Variants in WWOX observed in about 807,000 individuals in gnomAD.
The protein encoded by WWOX is WW domain containing oxidoreductase, also known as WW domain-containing oxidoreductase.
A neutral mutation model predicts 46.2 loss-of-function variants in WWOX; 69 were observed. The ratio of observed to expected loss-of-function variants is 1.49; its 90% CI spans 1.23 to 1.82. The LOEUF (loss-of-function observed/expected upper bound fraction) is 1.82, where lower values mean the gene tolerates loss of function less well. WWOX is among the 40% of genes most tolerant of loss of function. WWOX has a pLI of 0.00. For synonymous variants in WWOX, 359 were observed against 202.6 expected (o/e 1.77, Z -6.56); for missense variants, 919 against 542.6 (o/e 1.69, Z -6.89).
intron 5 of WWOX, among the ~76,000 whole-genome samples, chr16:78,253,427 C>T (rs1416585644): frequency 1.3e-5 from 2 of 152,140 alleles, no homozygotes; most frequent in East Asian, 1.9e-4. Flanking sequence ...TTATGATGTT[C>T]GCTTTATAGC....
At chr16:78,542,230 A>G (rs1433771977) in intron 8 of WWOX, among the ~76,000 whole-genome samples, 1 of 151,994 alleles carries the variant, frequency 6.6e-6, no homozygotes, top group African/African-American at 2.4e-5. Context: ...TGCCGGATGG[A>G]TGAACCTACG....
At chr16:78,285,402 C>G (rs1308371810) in intron 5 of WWOX, among the ~76,000 whole-genome samples, 5 of 151,840 alleles carry the variant, frequency 3.3e-5, no homozygotes, top group Admixed American at 2.6e-4. Context: ...CCACTGTACT[C>G]CAGCTGGGTA....
At chr16:78,989,457 G>C (rs1295386676) in intron 8 of WWOX, among the ~76,000 whole-genome samples, 1 of 152,174 alleles carries the variant, frequency 6.6e-6, no homozygotes, top group Non-Finnish European at 1.5e-5. Context: ...GCCCATGCTG[G>C]CTTGCAGGCT....
At chr16:78,252,988 G>A (rs2038025804) in intron 5 of WWOX, among the ~76,000 whole-genome samples, 1 of 152,164 alleles carries the variant, frequency 6.6e-6, no homozygotes, top group African/African-American at 2.4e-5. Flanking sequence ...GCAAACAGTG[G>A]CAGTAATATC....
At chr16:78,919,625 C>G (rs570174622) in intron 8 of WWOX, among the ~76,000 whole-genome samples, 4 of 150,724 alleles carry the variant, frequency 2.7e-5, no homozygotes, top group East Asian at 3.9e-4. Flanking sequence ...TCAAGCGATT[C>G]TCCTGCCTCA....
chr16:79,169,462 T>A (rs2050658832), intron 8 of WWOX, among the ~76,000 whole-genome samples: 2 of 152,196 alleles, frequency 1.3e-5, no homozygotes, highest in African/African-American at 4.8e-5. Flanking sequence ...GCACTATTCT[T>A]GGAATTCTTA....
intron 8 of WWOX, among the ~76,000 whole-genome samples, chr16:78,869,177 C>T (rs2044071840): frequency 6.6e-6 from 1 of 152,164 alleles, no homozygotes; most frequent in South Asian, 2.1e-4. Context: ...CAACCATCAG[C>T]TGACTTATTC....
At chr16:79,071,500 A>G (rs904296406) in intron 8 of WWOX, among the ~76,000 whole-genome samples, 1 of 152,162 alleles carries the variant, frequency 6.6e-6, no homozygotes, top group Non-Finnish European at 1.5e-5. Flanking sequence ...CTCTAGTTTG[A>G]AAACTGTTTT....
At chr16:78,298,320 T>C (rs1036333236) in intron 5 of WWOX, among the ~76,000 whole-genome samples, 8 of 152,110 alleles carry the variant, frequency 5.3e-5, no homozygotes, top group African/African-American at 1.7e-4. Context: ...AAGAGCTCTA[T>C]AGGCAAAAAG....
chr16:79,181,479 G>A (rs556752427), intron 8 of WWOX, among the ~76,000 whole-genome samples: 2 of 152,188 alleles, frequency 1.3e-5, no homozygotes, highest in Non-Finnish European at 2.9e-5. Context: ...AAGGTCAGGT[G>A]ACATAATTTT....
At chr16:78,347,161 T>C (rs1205717143) in intron 5 of WWOX, among the ~76,000 whole-genome samples, 2 of 119,138 alleles carry the variant, frequency 1.7e-5, no homozygotes, top group African/African-American at 2.9e-5. Flanking sequence ...TAGCTTCTTT[T>C]AAACTTTGTC....
intron 8 of WWOX, among the ~76,000 whole-genome samples, chr16:79,143,161 C>A (rs563647261): frequency 6.6e-6 from 1 of 152,200 alleles, no homozygotes. Context: ...TTTAATGCCT[C>A]ATTCCAGGTA....
intron 5 of WWOX, among the ~76,000 whole-genome samples, chr16:78,293,579 A>G (rs1019193997): frequency 6.6e-6 from 1 of 152,086 alleles, no homozygotes; most frequent in African/African-American, 2.4e-5. Context: ...TGGTGGGAGA[A>G]TTGTTTAGTA....
At chr16:79,141,602 C>G (rs1266849702) in intron 8 of WWOX, among the ~76,000 whole-genome samples, 2 of 152,172 alleles carry the variant, frequency 1.3e-5, no homozygotes, top group Admixed American at 6.5e-5. Flanking sequence ...TTAAGAGATT[C>G]AAAAATGTCC....
chr16:79,159,695 A>G (rs1179711956), intron 8 of WWOX, among the ~76,000 whole-genome samples: 5 of 152,214 alleles, frequency 3.3e-5, no homozygotes, highest in African/African-American at 1.2e-4. Context: ...GAACAGGGGG[A>G]AAGATAGCAG....
intron 5 of WWOX, chr16:78,270,105 C>T (rs780246403): frequency 4.0e-5 from 6 of 151,638 alleles, no homozygotes; most frequent in East Asian, 1.9e-4. Flanking sequence ...ATTTTTTTTA[C>T]GGCACTGAAA....
intron 8 of WWOX, among the ~76,000 whole-genome samples, chr16:79,178,722 C>G (rs545307706): frequency 6.6e-6 from 1 of 152,136 alleles, no homozygotes; most frequent in African/African-American, 2.4e-5. Context: ...ATGTGCCTAC[C>G]TAATGCTCTT....
chr16:78,787,860 G>T (rs909625646), intron 8 of WWOX, among the ~76,000 whole-genome samples: 2 of 152,086 alleles, frequency 1.3e-5, no homozygotes, highest in African/African-American at 2.4e-5. Flanking sequence ...GTATGAAATT[G>T]TATCGTGGTT....
At chr16:79,131,121 T>C (rs1210076860) in intron 8 of WWOX, among the ~76,000 whole-genome samples, 1 of 152,186 alleles carries the variant, frequency 6.6e-6, no homozygotes, top group East Asian at 1.9e-4. Context: ...ACAGACTCCA[T>C]GCTGCCCCTG....
Sources: gnomAD v4.1 joint callset for allele counts (sites outside exome capture counted in the v4.1 genomes callset) on GRCh38, gnomAD v4.1.1 for gene constraint, MANE v1.5 for transcripts, NCBI Gene and HGNC (gene_info 2026-07-23, HGNC 2026-07-21) for gene names.